TGFA: variants seen among roughly 807,000 people sequenced by gnomAD.
TGFA encodes the protein transforming growth factor alpha, also known as protransforming growth factor alpha.
In TGFA, 12 loss-of-function variants were observed where a neutral mutation model predicts 21.7. The observed-to-expected ratio is 0.55, with a 90% CI of 0.35 to 0.90. The LOEUF (loss-of-function observed/expected upper bound fraction) is 0.90. Ranked by LOEUF, TGFA falls within the 40% of genes least tolerant of loss-of-function variation. TGFA has a pLI of 0.01. For synonymous variants in TGFA, 79 were observed against 88.1 expected, an observed-to-expected ratio of 0.90 and a Z score of 0.58; for missense variants, 178 against 210.8, an observed-to-expected ratio of 0.84 and a Z score of 0.96.
Position 70,447,304 on chromosome 2 carries a change from T to C in TGFA, c.*3555A>G, listed in dbSNP as rs1184719573. On this transcript the variant is annotated 3_prime_UTR_variant, in exon 6 of 6. Transcript: ENST00000295400. ...CTTGATTTAGGAAAAAAAGATTCAT[T>C]CCTTCATCCTTCCAAATAAGGTACA... is the stretch of plus-strand genomic sequence containing the variant. The C allele has an allele frequency of 6.6e-6, 1 of 152,668 alleles. No individual in the cohort carries two copies. Among genetic ancestry groups the C allele is most frequent in the Non-Finnish European group, 1.5e-5 (1 of 68,040 alleles). 9.5% of individuals were successfully genotyped at this position (152,668 alleles called of 1,614,324 possible).
At chr2:70,506,070 C>A (rs1259195944) in intron 2 of TGFA, among the ~76,000 whole-genome samples, 1 of 152,166 alleles carries the variant, frequency 6.6e-6, no homozygotes, top group Non-Finnish European at 1.5e-5. Flanking sequence ...TTTGGGCTTG[C>A]ACAGCCAGAA....
At chr2:70,533,034 G>C (rs1345078075) in intron 1 of TGFA, among the ~76,000 whole-genome samples, 1 of 149,594 alleles carries the variant, frequency 6.7e-6, no homozygotes, top group African/African-American at 2.5e-5. Context: ...GCTAATTTTT[G>C]TATTTTTTTT....
At chr2:70,453,118 C>G (rs1049627865) in intron 5 of TGFA, 100 bp downstream of exon 5, 8 of 1,071,982 alleles carry the variant, frequency 7.5e-6, no homozygotes, top group Non-Finnish European at 1.1e-5. Context: ...CTTTTCTCCT[C>G]TCTTCCTGCT....
chr2:70,519,267 G>A (rs1285837161), intron 1 of TGFA, among the ~76,000 whole-genome samples: 2 of 152,074 alleles, frequency 1.3e-5, no homozygotes, highest in African/African-American at 2.4e-5. Flanking sequence ...CTCAGGGAGA[G>A]GTCTGCAAAG....
At chr2:70,513,175 G>C (rs1292666602) in intron 2 of TGFA, among the ~76,000 whole-genome samples, 1 of 152,170 alleles carries the variant, frequency 6.6e-6, no homozygotes, top group African/African-American at 2.4e-5. Flanking sequence ...CCAGTGTCCA[G>C]GTTCTCTCAA....
At chr2:70,504,083 C>T (rs1671824134) in intron 2 of TGFA, among the ~76,000 whole-genome samples, 1 of 152,098 alleles carries the variant, frequency 6.6e-6, no homozygotes, top group Non-Finnish European at 1.5e-5. Context: ...GAACAAAGTC[C>T]ATCACAGGAA....
Position 70,450,574 on chromosome 2 carries a change from C to T in TGFA, c.*285G>A, listed in dbSNP as rs188130696. 3.1e-4 allele frequency: 139 copies of T among 454,444 alleles called. No homozygotes were observed. The highest frequency in any genetic ancestry group is 2.6e-3 in the African/African-American group (132 of 51,416). The allele number at this position is 454,444 out of a possible 1,614,324, so 28.2% of individuals were successfully genotyped here. A position where few individuals can be genotyped will look rare whatever the true frequency, so the allele number is the denominator to read the frequency against. ...ATGTGGACTCAGACACCAACTGCTG[C>T]ACACACCTCACCTAGGTGAACAGGA... On this transcript the variant is annotated 3_prime_UTR_variant, in exon 6 of 6. Transcript: ENST00000295400.
chr2:70,489,331 T>G (rs902909128), intron 2 of TGFA, among the ~76,000 whole-genome samples: 1 of 152,212 alleles, frequency 6.6e-6, no homozygotes, highest in Non-Finnish European at 1.5e-5. Flanking sequence ...CCTCATTCTC[T>G]CCCTATTTCA....
At chr2:70,537,253 C>T (rs1288080496) in intron 1 of TGFA, among the ~76,000 whole-genome samples, 12 of 152,086 alleles carry the variant, frequency 7.9e-5, no homozygotes, top group Non-Finnish European at 1.5e-5. Flanking sequence ...GTCATTTCTC[C>T]ATCTCTCTCC....
At chr2:70,479,033 C>T (rs1417594889) in intron 2 of TGFA, among the ~76,000 whole-genome samples, 3 of 152,164 alleles carry the variant, frequency 2.0e-5, no homozygotes, top group African/African-American at 7.2e-5. Context: ...CATCTGATTT[C>T]ATATCCTCAT....
At chr2:70,545,579 T>A (rs1673278116) in intron 1 of TGFA, among the ~76,000 whole-genome samples, 1 of 152,078 alleles carries the variant, frequency 6.6e-6, no homozygotes, top group Admixed American at 6.5e-5. Flanking sequence ...ATGAGTTACA[T>A]CTCACAACAT....
intron 2 of TGFA, among the ~76,000 whole-genome samples, chr2:70,492,420 G>T (rs1328254195): frequency 6.6e-6 from 1 of 152,168 alleles, no homozygotes; most frequent in Admixed American, 6.5e-5. Context: ...TTGAGGTCCA[G>T]TGTGGACAAG....
intron 1 of TGFA, among the ~76,000 whole-genome samples, chr2:70,516,792 G>A (rs1553501647): frequency 6.6e-6 from 1 of 152,202 alleles, no homozygotes; most frequent in Non-Finnish European, 1.5e-5. Context: ...GTCAGCCAGT[G>A]ACTCATAATA....
chr2:70,543,267 C>G (rs12104919), intron 1 of TGFA, among the ~76,000 whole-genome samples: 2,208 of 151,488 alleles, frequency 0.015, 46 homozygotes, highest in African/African-American at 0.05. Flanking sequence ...GTGGCTCATG[C>G]CCGTAATCCC....
intron 1 of TGFA, among the ~76,000 whole-genome samples, chr2:70,522,352 C>T (rs920633666): frequency 2.4e-4 from 37 of 152,180 alleles, no homozygotes; most frequent in Admixed American, 2.2e-3. Context: ...AGATCCCTGC[C>T]GCTACAGCTC....
chr2:70,529,641 G>A (rs1396925626), intron 1 of TGFA, among the ~76,000 whole-genome samples: 1 of 152,162 alleles, frequency 6.6e-6, no homozygotes. Flanking sequence ...CTGGGGGAGG[G>A]CACACCGGGA....
chr2:70,533,074 C>T (rs1196907811), intron 1 of TGFA, among the ~76,000 whole-genome samples: 4 of 151,868 alleles, frequency 2.6e-5, no homozygotes, highest in African/African-American at 9.7e-5. Context: ...CACCATATTG[C>T]CTGGTCTTGA....
At chr2:70,472,756 T>C (rs1670796866) in intron 2 of TGFA, among the ~76,000 whole-genome samples, 1 of 152,248 alleles carries the variant, frequency 6.6e-6, no homozygotes, top group Non-Finnish European at 1.5e-5. Context: ...CCTGTGGCTC[T>C]TAACTCTCTT....
At chr2:70,528,120 C>T (rs539174746) in intron 1 of TGFA, among the ~76,000 whole-genome samples, 1 of 152,358 alleles carries the variant, frequency 6.6e-6, no homozygotes, top group Admixed American at 6.5e-5. Context: ...AGGGCAGAAG[C>T]ACGCTTATTT....
Sources: allele counts gnomAD v4.1 joint callset (sites outside exome capture counted in the v4.1 genomes callset), GRCh38; gene constraint gnomAD v4.1.1; transcripts MANE v1.5; gene names NCBI Gene and HGNC (gene_info 2026-07-23, HGNC 2026-07-21).